Variants in NUP210L observed in about 807,000 individuals in gnomAD.
The protein encoded by NUP210L is nucleoporin 210 like.
In NUP210L, 74 loss-of-function variants were observed where a neutral mutation model predicts 208.5. That is an observed-to-expected ratio of 0.35 (90% CI 0.29 to 0.43). The LOEUF is 0.43. Among genes scored for constraint, NUP210L ranks in the 20% least tolerant of loss-of-function variants. NUP210L has a pLI of 1.00. For synonymous variants in NUP210L, 780 were observed against 816.9 expected, an observed-to-expected ratio of 0.95 and a Z score of 0.77; for missense variants, 1,843 against 2,289.4, an observed-to-expected ratio of 0.81 and a Z score of 3.98.
At chr1:154,064,186 A>G (rs1654281794) in intron 17 of NUP210L, among the ~76,000 whole-genome samples, 1 of 151,802 alleles carries the variant, frequency 6.6e-6, no homozygotes, top group Admixed American at 6.6e-5. Context: ...GCATGAGCCA[A>G]TGCACCTGGC....
chr1:153,996,119 C>T (rs752676936), intron 37 of NUP210L, among the ~76,000 whole-genome samples: 7 of 152,032 alleles, frequency 4.6e-5, no homozygotes, highest in Non-Finnish European at 7.4e-5. Context: ...GGTGAAACCC[C>T]GTCTCTACTA....
intron 38 of NUP210L, among the ~76,000 whole-genome samples, chr1:153,994,761 C>T (rs1319879061): frequency 6.6e-6 from 1 of 151,698 alleles, no homozygotes; most frequent in Non-Finnish European, 1.5e-5. Flanking sequence ...CGCCTGTAAT[C>T]CCAGCACTTT....
At chr1:154,117,763 G>T (rs766842555) in exon 12 of NUP210L, 8 of 1,612,696 alleles carry the variant, frequency 5.0e-6, no homozygotes, top group Non-Finnish European at 6.8e-6. Flanking sequence ...TGTACATCTC[G>T]GGCCAAAACA....
At chr1:154,083,100 T>G (rs370267076) in intron 16 of NUP210L, among the ~76,000 whole-genome samples, 1 of 152,120 alleles carries the variant, frequency 6.6e-6, no homozygotes, top group African/African-American at 2.4e-5. Flanking sequence ...GAACAAATAT[T>G]CCGCAGCACA....
At position 154,127,743 on chromosome 1, in the gene NUP210L, T is replaced by C. The variant is rs1393585959; in HGVS notation, c.1079-326A>G. 4.6e-5 allele frequency among the ~76,000 whole-genome samples: 7 copies of C among 152,034 alleles called. No homozygotes were observed. The East Asian group carries it at 1.4e-3, about 29-fold the overall frequency. On this transcript the variant is annotated intron_variant, in intron 8 of 39. Coordinates refer to ENST00000368559, the Ensembl canonical transcript of NUP210L. Reference sequence around the variant, plus strand: ...CTAATTTTTGTATTTTTAGTAGAGATGAGGTTTTGCCATGTTGGCCAGGCT... The same window carrying C: ...CTAATTTTTGTATTTTTAGTAGAGACGAGGTTTTGCCATGTTGGCCAGGCT...
chr1:154,128,354 C>T (rs1211073254), intron 8 of NUP210L, among the ~76,000 whole-genome samples: 3 of 151,644 alleles, frequency 2.0e-5, no homozygotes, highest in South Asian at 2.1e-4. Context: ...AACGTGGTGG[C>T]TCGCGGCTAT....
At chr1:154,056,704 G>T in intron 23 of NUP210L, 111 bp downstream of exon 23, 1 of 1,118,076 alleles carries the variant, frequency 8.9e-7, no homozygotes, top group South Asian at 1.8e-5. Context: ...GGTGGTGTGA[G>T]CCACTGTGCC....
chr1:154,090,309 T>C (rs1234931087), intron 15 of NUP210L, among the ~76,000 whole-genome samples: 1 of 152,124 alleles, frequency 6.6e-6, no homozygotes, highest in East Asian at 1.9e-4. Flanking sequence ...AAAAACTAAT[T>C]TGTGTTTCCA....
At chr1:154,011,782 G>A (rs1314362706) in intron 34 of NUP210L, among the ~76,000 whole-genome samples, 1 of 142,832 alleles carries the variant, frequency 7.0e-6, no homozygotes, top group African/African-American at 2.6e-5. Context: ...CCCGCTTCCC[G>A]GGTTCAAGCA....
At chr1:154,086,984 G>A (rs952561464) in intron 16 of NUP210L, among the ~76,000 whole-genome samples, 6 of 152,142 alleles carry the variant, frequency 3.9e-5, no homozygotes, top group Non-Finnish European at 5.9e-5. Flanking sequence ...ATATACATTT[G>A]TCAAAAGAAG....
At chr1:154,123,109 A>G (rs1657700670) in intron 10 of NUP210L, among the ~76,000 whole-genome samples, 1 of 151,776 alleles carries the variant, frequency 6.6e-6, no homozygotes, top group Non-Finnish European at 1.5e-5. Context: ...AATTCAGCGA[A>G]GTTGCCATAT....
chr1:154,115,782 T>C (rs12130660), intron 12 of NUP210L, among the ~76,000 whole-genome samples: 5,049 of 151,960 alleles, frequency 0.033, 111 homozygotes, highest in Middle Eastern at 0.075. Context: ...CACTGAGTGA[T>C]GGCAAACTAT....
At chr1:154,023,439 A>T in intron 30 of NUP210L, 142 bp from the exon 31 acceptor site, 1 of 618,188 alleles carries the variant, frequency 1.6e-6, no homozygotes, top group South Asian at 2.5e-5. Flanking sequence ...GACTTAAGTC[A>T]GAGTGAAAAG....
At chr1:154,008,385 CACAA>C (rs961531816) in intron 35 of NUP210L, among the ~76,000 whole-genome samples, 79 of 151,942 alleles carry the variant, frequency 5.2e-4, no homozygotes, top group African/African-American at 1.8e-3. Context: ...CCTGTCCCTA[CACAA>C]ACAAACAAAC....
intron 32 of NUP210L, 70 bp downstream of exon 32, chr1:154,022,051 CTTTTT>C (rs369874353): frequency 1.7e-6 from 2 of 1,185,356 alleles, no homozygotes; most frequent in Non-Finnish European, 2.4e-6. Flanking sequence ...TTAATAACTG[CTTTTT>C]TTTTTAATAA....
At chr1:154,153,635 G>A (rs1347847333) in intron 1 of NUP210L, among the ~76,000 whole-genome samples, 1 of 151,540 alleles carries the variant, frequency 6.6e-6, no homozygotes, top group African/African-American at 2.4e-5. Context: ...AAATAGAGAC[G>A]GGGTCTCACT....
In NUP210L at chr1:154,027,080, CAAA is replaced by C. The variant is rs59626984; in HGVS notation, c.3947+423_3947+425del. 2.6e-4 allele frequency among the ~76,000 whole-genome samples: 26 copies of C among 101,738 alleles called. 1 individual carries two copies. The South Asian group carries it at 3.5e-3, about 14-fold the overall frequency. 66.7% of individuals were successfully genotyped at this position (101,738 alleles called of 152,430 possible). ...CCTGGGCAACAGAGCGAGACTGTCT[CAAA>C]AAAAAAAAAAAAACAAAAAAAAAAA... On this transcript the variant is annotated intron_variant, in intron 29 of 39. Transcript: ENST00000368559.
chr1:154,094,851 C>T, intron 15 of NUP210L, 84 bp downstream of exon 15: 1 of 986,668 alleles, frequency 1.0e-6, no homozygotes, highest in South Asian at 1.5e-5. Flanking sequence ...CTAAATTCAG[C>T]AGAATCTGAA....
exon 1 of NUP210L, chr1:154,154,944 G>A: frequency 6.2e-7 from 1 of 1,614,180 alleles, no homozygotes; most frequent in Non-Finnish European, 8.5e-7. Flanking sequence ...GTTGGCCAGG[G>A]TCCCACGCAA....
Sources: gnomAD v4.1 joint callset for allele counts (sites outside exome capture counted in the v4.1 genomes callset) on GRCh38, gnomAD v4.1.1 for gene constraint, MANE v1.5 for transcripts, NCBI Gene and HGNC (gene_info 2026-07-23, HGNC 2026-07-21) for gene names.